Variants in KNL1 observed in about 807,000 individuals in gnomAD.
KNL1 encodes the protein outer kinetochore KNL1 complex subunit KNL1.
Under a neutral mutation model 201.3 loss-of-function variants are expected in KNL1, and 66 were observed. That is an observed-to-expected ratio of 0.33 (90% CI 0.27 to 0.40). The LOEUF (loss-of-function observed/expected upper bound fraction) is 0.40. KNL1 is among the 10% of genes least tolerant of loss of function. The pLI is 1.00. For synonymous variants in KNL1, 895 were observed against 899.2 expected (o/e 1.00, Z 0.08); for missense variants, 2,815 against 2,690.5 (o/e 1.05, Z -1.02).
Position 40,602,279 on chromosome 15 carries a change from C to T in KNL1, c.-17-636C>T, listed in dbSNP as rs188825905. Among the ~76,000 whole-genome samples, 381 of 148,770 alleles carry T rather than the reference C, an allele frequency of 2.6e-3. 2 individuals are homozygous for T. The highest frequency in any genetic ancestry group is 9.3e-3 in the African/African-American group (373 of 40,208). On this transcript the variant is annotated intron_variant, in intron 1 of 25. Coordinates refer to ENST00000399668, the MANE Select transcript of KNL1 (RefSeq NM_144508.5). ...CGATCTCCTGACCCCGTGATCTGCC[C>T]GCCTCGGCCTCCCAAAGTGCTGTAT...
chr15:40,654,668 G>C (rs1893667160), intron 21 of KNL1, among the ~76,000 whole-genome samples: 1 of 151,854 alleles, frequency 6.6e-6, no homozygotes, highest in South Asian at 2.1e-4. Flanking sequence ...AGGAGATCGA[G>C]ACCATCCTGG....
chr15:40,642,564 A>G (rs748201722), intron 14 of KNL1, among the ~76,000 whole-genome samples: 16 of 152,182 alleles, frequency 1.1e-4, no homozygotes, highest in Non-Finnish European at 2.2e-4. Context: ...CAAATTTTGT[A>G]TCTTCATGTT....
intron 5 of KNL1, among the ~76,000 whole-genome samples, 167 bp from the exon 6 acceptor site, chr15:40,610,078 T>A (rs1045210718): frequency 2.6e-5 from 4 of 152,160 alleles, no homozygotes; most frequent in Non-Finnish European, 4.4e-5. Flanking sequence ...GATTTTATTG[T>A]GGTAAACTAC....
intron 8 of KNL1, among the ~76,000 whole-genome samples, chr15:40,617,096 G>A (rs532161334): frequency 4.6e-5 from 7 of 152,106 alleles, no homozygotes; most frequent in South Asian, 4.2e-4. Context: ...TTACAGGCAC[G>A]TGCCACCAGG....
In KNL1 at chr15:40,623,089, C is replaced by G. The variant is rs1567008764; in HGVS notation, c.2825C>G (p.Thr942Ser). The change falls in exon 10 of 26, where the codon ACT (threonine) becomes AGT (serine). Residue 942 changes from threonine to serine, a missense_variant. Physicochemically the swap from Thr to Ser is moderately conservative, Grantham distance 58. Around this residue, in one of 3 missense-constraint regions of KNL1, gnomAD observed 2,464 missense variants for 2,291.7 expected, o/e 1.08. Transcript: ENST00000399668. ...DEITTRPMDKTVVFVDNHVEL... is the reference protein window; with the variant it reads ...DEITTRPMDKSVVFVDNHVEL... ...ATAACTACTAGGCCTATGGACAAAA[C>G]TGTAGTGTTTGTAGATAATCATGTT... 13 of 1,613,664 alleles carry G rather than the reference C, an allele frequency of 8.1e-6. No individual in the cohort carries two copies. Among genetic ancestry groups the G allele is most frequent in the Non-Finnish European group, 1.1e-5 (13 of 1,179,842 alleles).
At chr15:40,638,332 T>TG (rs1893120745) in intron 13 of KNL1, among the ~76,000 whole-genome samples, 1 of 151,714 alleles carries the variant, frequency 6.6e-6, no homozygotes, top group African/African-American at 2.4e-5. Context: ...TATTTAGAGA[T>TG]GGGGTCTCAC....
chr15:40,633,905 C>G (rs781228737), intron 13 of KNL1, among the ~76,000 whole-genome samples: 1 of 152,112 alleles, frequency 6.6e-6, no homozygotes, highest in Non-Finnish European at 1.5e-5. Context: ...CAGCCTCAGG[C>G]AAGTCCTTCA....
intron 24 of KNL1, 61 bp from the exon 25 acceptor site, chr15:40,659,278 A>AT: frequency 6.7e-7 from 1 of 1,486,516 alleles, no homozygotes; most frequent in Non-Finnish European, 9.2e-7. Flanking sequence ...AAAAAAAAAA[A>AT]GAAATTGTGT....
intron 13 of KNL1, among the ~76,000 whole-genome samples, chr15:40,631,158 A>T (rs1055618839): frequency 1.6e-5 from 2 of 126,584 alleles, no homozygotes; most frequent in East Asian, 2.5e-4. Flanking sequence ...AAATAAAAAC[A>T]AGGAAGTTCA....
At chr15:40,607,544 CT>C (rs1892015457) in intron 4 of KNL1, among the ~76,000 whole-genome samples, 1 of 152,034 alleles carries the variant, frequency 6.6e-6, no homozygotes, top group African/African-American at 2.4e-5. Context: ...TTGTTTCTGT[CT>C]TTTGATTATT....
At chr15:40,607,090 G>C (rs965719743) in intron 4 of KNL1, among the ~76,000 whole-genome samples, 3 of 152,154 alleles carry the variant, frequency 2.0e-5, no homozygotes, top group African/African-American at 7.2e-5. Context: ...AGTATAGACA[G>C]GGTCTTGCTA....
chr15:40,623,799 A>G lies in KNL1; in HGVS notation c.3535A>G (p.Thr1179Ala), dbSNP rs753970683. ...TACTGTTTTCATTGACTGTCAAGCC[A>G]CAGAGAAAATACTTGAAGAAAACCC... The part of the protein sequence containing the change: ...SHTVFIDCQA[T>A]EKILEENPKF... The change falls in exon 10 of 26, where the codon ACA (threonine) becomes GCA (alanine). Residue 1179 changes from threonine to alanine, a missense_variant. Coordinates refer to ENST00000399668, the MANE Select transcript of KNL1 (RefSeq NM_144508.5). 6.2e-7 allele frequency: 1 copy of G among 1,613,834 alleles called. No homozygotes were observed. The highest frequency in any genetic ancestry group is 8.5e-7 in the Non-Finnish European group (1 of 1,179,854).
rs1357266467 is a variant in KNL1, at chr15:40,663,053, TTA to T, written c.*867_*868del. The T allele has an allele frequency of 5.2e-5, 9 of 173,166 alleles. No individual in the cohort carries two copies. The South Asian group carries it at 1.8e-3, about 35-fold the overall frequency. The allele number at this position is 173,166 out of a possible 1,614,324, so 10.7% of individuals were successfully genotyped here. ...CTTGCTTTTTATTCTATGGTGTCTA[TTA>T]TGTTTTCTTTTTCTTTTTTTTTGAG... On this transcript the variant is annotated 3_prime_UTR_variant, in exon 26 of 26. Transcript: ENST00000399668.
chr15:40,622,408 C>T lies in KNL1; in HGVS notation c.2144C>T (p.Thr715Ile). Residue 715 changes from threonine to isoleucine, a missense_variant, in exon 10 of 26, where the codon ACT (threonine) becomes ATT (isoleucine). Physicochemically the swap from Thr to Ile is moderately conservative, Grantham distance 89. Coordinates refer to ENST00000399668, the MANE Select transcript of KNL1 (RefSeq NM_144508.5). ...CAGTTCTCTATGAAAAATCATGATA[C>T]TGCTATAAGTAGTCATACAGTGAAA... ...SGQFSMKNHD[T>I]AISSHTVKSV... The T allele has an allele frequency of 6.2e-7, 1 of 1,613,630 alleles. No individual in the cohort carries two copies. The highest frequency in any genetic ancestry group is 1.1e-5 in the South Asian group (1 of 91,054).
chr15:40,637,230 C>CT (rs1489755410), intron 13 of KNL1, among the ~76,000 whole-genome samples: 4 of 133,458 alleles, frequency 3.0e-5, no homozygotes, highest in African/African-American at 1.1e-4. Context: ...TTTTTCTTTC[C>CT]TTCCTTCCTT....
intron 1 of KNL1, among the ~76,000 whole-genome samples, chr15:40,598,239 G>T (rs1259781319): frequency 6.6e-6 from 1 of 151,822 alleles, no homozygotes; most frequent in Non-Finnish European, 1.5e-5. Flanking sequence ...TATGCGAGTT[G>T]GTGGTCAAAT....
chr15:40,599,067 A>C (rs537072703), intron 1 of KNL1, among the ~76,000 whole-genome samples: 1 of 152,014 alleles, frequency 6.6e-6, no homozygotes, highest in Non-Finnish European at 1.5e-5. Context: ...GACTTCCCAG[A>C]GTGCTGGGAT....
intron 25 of KNL1, among the ~76,000 whole-genome samples, chr15:40,660,910 C>G (rs932734576): frequency 6.6e-6 from 1 of 152,040 alleles, no homozygotes; most frequent in African/African-American, 2.4e-5. Flanking sequence ...TTGTGGTGAG[C>G]CAGGATCATG....
intron 13 of KNL1, among the ~76,000 whole-genome samples, chr15:40,634,209 C>T (rs988037540): frequency 2.0e-5 from 3 of 152,182 alleles, no homozygotes; most frequent in Admixed American, 6.5e-5. Context: ...CAGGTTCAAG[C>T]GATTCTTCTG....
Sources: allele counts gnomAD v4.1 joint callset (sites outside exome capture counted in the v4.1 genomes callset), GRCh38; gene constraint gnomAD v4.1.1; regional missense constraint gnomAD v4.1.1; transcripts MANE v1.5; gene names NCBI Gene and HGNC (gene_info 2026-07-23, HGNC 2026-07-21).